Variants in RNGTT observed in about 807,000 individuals in gnomAD.
RNGTT encodes RNA guanylyltransferase and 5'-phosphatase.
In RNGTT, 33 loss-of-function variants were observed where a neutral mutation model predicts 79.3. That is an observed-to-expected ratio of 0.42 (90% CI 0.32 to 0.56). The LOEUF (loss-of-function observed/expected upper bound fraction) is 0.56. RNGTT is among the 20% of genes least tolerant of loss of function. RNGTT has a pLI of 0.17. For synonymous variants in RNGTT, 222 were observed against 235.9 expected, an observed-to-expected ratio of 0.94 and a Z score of 0.54; for missense variants, 497 against 739.1, an observed-to-expected ratio of 0.67 and a Z score of 3.80.
At chr6:88,742,791 G>A (rs754798725) in intron 13 of RNGTT, among the ~76,000 whole-genome samples, 5 of 152,158 alleles carry the variant, frequency 3.3e-5, no homozygotes, top group Non-Finnish European at 5.9e-5. Flanking sequence ...ACTTTTCAAA[G>A]GGTGCTTATG....
chr6:88,926,198 G>C (rs1784313336), intron 4 of RNGTT, among the ~76,000 whole-genome samples: 1 of 152,078 alleles, frequency 6.6e-6, no homozygotes, highest in Admixed American at 6.5e-5. Flanking sequence ...AACACCATTT[G>C]GTGAAAAATC....
chr6:88,893,516 A>C (rs555492797), intron 6 of RNGTT, among the ~76,000 whole-genome samples: 1 of 152,300 alleles, frequency 6.6e-6, no homozygotes, highest in South Asian at 2.1e-4. Context: ...AGAAAATATG[A>C]TCACATTCAA....
In RNGTT at chr6:88,703,826, T is replaced by G. The variant is rs372347823; in HGVS notation, c.1440-25407A>C. On this transcript the variant is annotated intron_variant, in intron 13 of 15. Transcript: ENST00000369485. ...ATCTCTCAGTTTAGCTAATGTAGAT[T>G]ATTAGGTACCTTGTTTCAAGGAAGG... Among the ~76,000 whole-genome samples the G allele has an allele frequency of 2.3e-4, 35 of 152,198 alleles. No homozygotes were observed. The East Asian group carries it at 2.7e-3, about 12-fold the overall frequency.
chr6:88,859,178 C>G (rs1781932082), intron 8 of RNGTT, among the ~76,000 whole-genome samples: 1 of 151,808 alleles, frequency 6.6e-6, no homozygotes, highest in African/African-American at 2.4e-5. Flanking sequence ...TTAATCCCCC[C>G]ACCCCCAGCT....
chr6:88,852,467 G>A (rs1781704698), intron 9 of RNGTT, among the ~76,000 whole-genome samples: 1 of 151,944 alleles, frequency 6.6e-6, no homozygotes. Flanking sequence ...TGCCACAAAT[G>A]ACTATGACTT....
chr6:88,670,282 A>G (rs960302833), intron 14 of RNGTT, among the ~76,000 whole-genome samples: 9 of 152,214 alleles, frequency 5.9e-5, no homozygotes, highest in Admixed American at 6.5e-5. Context: ...AACTCTTATA[A>G]TAGGAGTAAT....
chr6:88,848,554 T>C lies in RNGTT; in HGVS notation c.1104+1201A>G, dbSNP rs147315648. Among the ~76,000 whole-genome samples the C allele has an allele frequency of 3.5e-3, 539 of 152,168 alleles. 2 individuals carry two copies. The highest frequency in any genetic ancestry group is 0.012 in the African/African-American group (511 of 41,556). ...AGTGAATGAACTAAATCTAGACATA[T>C]TAGTACAAATAAATCTCAACATTAT... On this transcript the variant is annotated intron_variant, in intron 10 of 15. Coordinates refer to ENST00000369485, the MANE Select transcript of RNGTT (RefSeq NM_003800.5).
At chr6:88,869,708 T>C (rs544724846) in intron 8 of RNGTT, among the ~76,000 whole-genome samples, 232 of 152,278 alleles carry the variant, frequency 1.5e-3, no homozygotes, top group African/African-American at 5.2e-3. Context: ...GGAGAAATCC[T>C]AGAAGCACCA....
rs71024314 is a variant in RNGTT, at chr6:88,901,495, C to CTTT, written c.684+3217_684+3219dup. Among the ~76,000 whole-genome samples the CTTT allele has an allele frequency of 3.2e-4, 21 of 65,810 alleles. 2 individuals carry two copies. The highest frequency in any genetic ancestry group is 7.1e-4 in the African/African-American group (10 of 14,056). 43.2% of individuals were successfully genotyped at this position (65,810 alleles called of 152,430 possible). On this transcript the variant is annotated intron_variant, in intron 6 of 15. Coordinates refer to ENST00000369485, the MANE Select transcript of RNGTT (RefSeq NM_003800.5). ...AAAAATAACTGTCAAGCACCCTGATCTTTTTTTTTTTTTTTTTTTTTTTTT... is the reference window on the plus strand; with the variant it reads ...AAAAATAACTGTCAAGCACCCTGATCTTTTTTTTTTTTTTTTTTTTTTTTTTTT...
intron 13 of RNGTT, among the ~76,000 whole-genome samples, chr6:88,737,817 G>C (rs1777336458): frequency 6.6e-6 from 1 of 152,136 alleles, no homozygotes; most frequent in Non-Finnish European, 1.5e-5. Flanking sequence ...CCAGTCTATG[G>C]TATTTTGTTA....
chr6:88,909,051 C>G (rs909712533), intron 4 of RNGTT, among the ~76,000 whole-genome samples: 3 of 152,142 alleles, frequency 2.0e-5, no homozygotes, highest in African/African-American at 7.2e-5. Flanking sequence ...AGGAAAGGAG[C>G]CTTCACTCTC....
intron 8 of RNGTT, among the ~76,000 whole-genome samples, chr6:88,889,097 G>A (rs1031630458): frequency 3.3e-5 from 5 of 152,044 alleles, no homozygotes; most frequent in African/African-American, 1.2e-4. Flanking sequence ...ATACCATAAG[G>A]ACAGTAGTGA....
chr6:88,873,394 G>A (rs1469141768), intron 8 of RNGTT, among the ~76,000 whole-genome samples: 2 of 152,188 alleles, frequency 1.3e-5, no homozygotes, highest in Admixed American at 6.5e-5. Context: ...AATTTGTCAT[G>A]AAAAGGTACA....
intron 1 of RNGTT, among the ~76,000 whole-genome samples, chr6:88,961,708 C>G (rs552059137): frequency 6.6e-6 from 1 of 152,210 alleles, no homozygotes; most frequent in African/African-American, 2.4e-5. Context: ...GTGGGACTAT[C>G]AAGTGTTACC....
intron 1 of RNGTT, among the ~76,000 whole-genome samples, chr6:88,950,861 G>GT (rs56393697): frequency 0.043 from 6,074 of 142,736 alleles, 427 homozygotes; most frequent in African/African-American, 0.14. Context: ...ACTGTTTTTG[G>GT]TTTTTTTTTT....
chr6:88,762,219 C>T (rs1011157630), intron 13 of RNGTT, among the ~76,000 whole-genome samples: 2 of 152,106 alleles, frequency 1.3e-5, no homozygotes, highest in Non-Finnish European at 1.5e-5. Flanking sequence ...GGATGTATAA[C>T]TGGAAGAGAA....
intron 14 of RNGTT, among the ~76,000 whole-genome samples, chr6:88,622,149 T>C (rs1399177890): frequency 6.6e-6 from 1 of 152,198 alleles, no homozygotes; most frequent in Non-Finnish European, 1.5e-5. Context: ...ACAATTAAGA[T>C]CTTTAAATTT....
chr6:88,802,781 A>C (rs1315220873), intron 11 of RNGTT, among the ~76,000 whole-genome samples: 4 of 152,148 alleles, frequency 2.6e-5, no homozygotes, highest in Non-Finnish European at 4.4e-5. Flanking sequence ...ATAAGAACTC[A>C]CTATCATGAG....
intron 1 of RNGTT, among the ~76,000 whole-genome samples, chr6:88,952,166 G>A (rs1785272639): frequency 6.6e-6 from 1 of 152,070 alleles, no homozygotes; most frequent in South Asian, 2.1e-4. Context: ...CCACTTCCCT[G>A]GCAAACTATA....
Sources: allele counts gnomAD v4.1 joint callset (sites outside exome capture counted in the v4.1 genomes callset), GRCh38; gene constraint gnomAD v4.1.1; transcripts MANE v1.5; gene names NCBI Gene and HGNC (gene_info 2026-07-23, HGNC 2026-07-21).